TMEM44: variants seen among roughly 807,000 people sequenced by gnomAD.
The protein encoded by TMEM44 is transmembrane protein 44.
In TMEM44, 43 loss-of-function variants were observed where a neutral mutation model predicts 47.8. That is an observed-to-expected ratio of 0.90 (90% CI 0.70 to 1.16). The LOEUF (loss-of-function observed/expected upper bound fraction) is 1.16. TMEM44 is among the 50% of genes most tolerant of loss of function. The pLI, the probability that TMEM44 is intolerant of heterozygous loss-of-function variation, is 0.00. For missense variants in TMEM44, 568 were observed against 555.2 expected (o/e 1.02, Z -0.23); for synonymous variants, 277 against 238.8 (o/e 1.16, Z -1.48).
intron 9 of TMEM44, among the ~76,000 whole-genome samples, chr3:194,595,804 T>A (rs2109153432): frequency 6.6e-6 from 1 of 152,100 alleles, no homozygotes; most frequent in African/African-American, 2.4e-5. Context: ...TTTTTGTATT[T>A]TTAGTAGAGA....
intron 2 of TMEM44, among the ~76,000 whole-genome samples, chr3:194,627,992 GC>G (rs1717354213): frequency 6.6e-6 from 1 of 150,902 alleles, no homozygotes; most frequent in Admixed American, 6.6e-5. Flanking sequence ...AAACAAACAA[GC>G]AAAAAAAAAA....
chr3:194,612,668 C>G (rs1715443010), intron 7 of TMEM44, among the ~76,000 whole-genome samples: 1 of 151,730 alleles, frequency 6.6e-6, no homozygotes, highest in South Asian at 2.1e-4. Flanking sequence ...ATTTTATATT[C>G]AAGTCCTTTT....
At position 194,593,027 on chromosome 3, in the gene TMEM44, A is replaced by G. The variant is rs752719947; in HGVS notation, c.1177-4388T>C. The G allele has an allele frequency of 3.1e-6, 5 of 1,613,718 alleles. No individual in the cohort carries two copies. The East Asian group carries it at 8.9e-5, about 29-fold the overall frequency. On this transcript the variant is annotated intron_variant, in intron 9 of 9. Coordinates refer to ENST00000347147, the MANE Select transcript of TMEM44 (RefSeq NM_001011655.3). ...AAGTCCCTCCTGGAAGAGAAAGAGC[A>G]TGATCGTCCATACCTGCTCCGAGTT...
chr3:194,589,759 T>C (rs1712381418), intron 9 of TMEM44: 1 of 152,140 alleles, frequency 6.6e-6, no homozygotes, highest in Admixed American at 6.5e-5. Flanking sequence ...AGGGGATCCT[T>C]GGTGTTACCT....
At chr3:194,600,475 A>G (rs535583527) in intron 9 of TMEM44, among the ~76,000 whole-genome samples, 38 of 146,390 alleles carry the variant, frequency 2.6e-4, no homozygotes, top group South Asian at 2.5e-4. Context: ...TAGGCTGGGC[A>G]AGGTGGCTCA....
Position 194,588,723 on chromosome 3 carries a change from T to G in TMEM44, c.1177-84A>C, listed in dbSNP as rs149727827. On this transcript the variant is annotated intron_variant, in intron 9 of 9. Coordinates refer to ENST00000347147, the MANE Select transcript of TMEM44 (RefSeq NM_001011655.3). ...CATAACCCCTGACCCAAACAAAAGCTCCAATCTTGGTTCTCATGATCCAGG... is the reference window on the plus strand; with the variant it reads ...CATAACCCCTGACCCAAACAAAAGCGCCAATCTTGGTTCTCATGATCCAGG... 6.8e-5 allele frequency: 91 copies of G among 1,338,688 alleles called. 1 individual carries two copies. In the African/African-American group the frequency reaches 1.0e-3, roughly 15 times the overall value. 82.9% of individuals were successfully genotyped at this position (1,338,688 alleles called of 1,614,324 possible).
intron 8 of TMEM44, among the ~76,000 whole-genome samples, chr3:194,605,856 T>C (rs999052815): frequency 2.7e-4 from 41 of 152,166 alleles, no homozygotes; most frequent in African/African-American, 8.9e-4. Context: ...ATGAGGAGAA[T>C]GGCTATGAGT....
Position 194,623,211 on chromosome 3 carries a change from C to G in TMEM44, c.612+13G>C. Reference sequence around the variant, plus strand: ...CATGTGACCCACAGTCCCATCCCCACCCCCGGCCTCACAATTCTGGAGAGA... The same window carrying G: ...CATGTGACCCACAGTCCCATCCCCAGCCCCGGCCTCACAATTCTGGAGAGA... On this transcript the variant is annotated intron_variant, in intron 5 of 9. Transcript: ENST00000347147. The G allele has an allele frequency of 4.4e-6, 7 of 1,598,182 alleles. No homozygotes were observed. The highest frequency in any genetic ancestry group is 6.0e-6 in the Non-Finnish European group (7 of 1,171,876).
At chr3:194,613,801 A>C (rs113566162) in intron 7 of TMEM44, among the ~76,000 whole-genome samples, 41 of 151,686 alleles carry the variant, frequency 2.7e-4, no homozygotes, top group African/African-American at 9.7e-4. Flanking sequence ...CTCCTAAACA[A>C]CACTTAAAGA....
At chr3:194,622,853 A>G (rs1716711109) in intron 5 of TMEM44, 1 of 186,806 alleles carries the variant, frequency 5.4e-6, no homozygotes, top group Non-Finnish European at 1.1e-5. Flanking sequence ...CCGGCCTAAG[A>G]CACTCTTGAT....
intron 5 of TMEM44, among the ~76,000 whole-genome samples, chr3:194,619,928 G>A (rs1042591426): frequency 5.3e-5 from 8 of 152,116 alleles, no homozygotes; most frequent in African/African-American, 1.9e-4. Flanking sequence ...CCTAAGGCAG[G>A]GGTAATGCTG....
At chr3:194,606,167 C>CGAGGAT (rs1255464384) in intron 8 of TMEM44, among the ~76,000 whole-genome samples, 1 of 152,144 alleles carries the variant, frequency 6.6e-6, no homozygotes, top group Non-Finnish European at 1.5e-5. Context: ...CACTCCAAGC[C>CGAGGAT]GAGGATGCAG....
intron 2 of TMEM44, 49 bp from the exon 3 acceptor site, chr3:194,626,039 G>T: frequency 7.0e-7 from 1 of 1,435,728 alleles, no homozygotes; most frequent in Non-Finnish European, 9.8e-7. Context: ...TCTTTCCTCA[G>T]CCCCTACAGA....
chr3:194,616,854 C>T (rs1458855678), intron 6 of TMEM44: 9 of 540,628 alleles, frequency 1.7e-5, no homozygotes, highest in East Asian at 3.4e-5. Flanking sequence ...AAGATCACGC[C>T]ACTGCACTCC....
At chr3:194,625,641 C>A (rs535930223) in intron 3 of TMEM44, among the ~76,000 whole-genome samples, 2 of 152,204 alleles carry the variant, frequency 1.3e-5, no homozygotes, top group African/African-American at 4.8e-5. Context: ...CCACCACACC[C>A]GGCTAGTTTT....
Position 194,633,110 on chromosome 3 carries a change from C to A in TMEM44, c.106G>T (p.Ala36Ser). 1 of 1,550,426 alleles carries A rather than the reference C, an allele frequency of 6.4e-7. No individual in the cohort carries two copies. The highest frequency in any genetic ancestry group is 1.4e-5 in the African/African-American group (1 of 73,100). The part of the protein sequence containing the change: ...VCISFGLWIC[A>S]SSCWIAAHAL... ...TGGGCGGCGATCCAGCAGGAGGAGG[C>A]GCAGATCCACAGGCCGAAGGAGATG... Residue 36 changes from alanine (A) to serine (S), a missense_variant, in exon 1 of 10, where the codon GCC (alanine) becomes TCC (serine). Physicochemically the swap from Ala to Ser is moderately conservative, Grantham distance 99. Coordinates refer to ENST00000347147, the MANE Select transcript of TMEM44 (RefSeq NM_001011655.3).
intron 1 of TMEM44, among the ~76,000 whole-genome samples, chr3:194,631,231 G>T (rs572706099): frequency 1.3e-5 from 2 of 152,180 alleles, no homozygotes; most frequent in South Asian, 4.2e-4. Context: ...TTCCGAAGGG[G>T]CTGGCTGTTT....
chr3:194,587,947 T>G lies in TMEM44; in HGVS notation c.*582A>C, dbSNP rs1712053733. ...TACCCGGAGCAGTTTGCTTTGTTTT[T>G]GCAGTGTCAGTGATCTCACAAGCAC... On this transcript the variant is annotated 3_prime_UTR_variant, in exon 10 of 10. Coordinates refer to ENST00000347147, the MANE Select transcript of TMEM44 (RefSeq NM_001011655.3). 6.6e-6 allele frequency: 1 copy of G among 152,578 alleles called. No homozygotes were observed. The highest frequency in any genetic ancestry group is 1.5e-5 in the Non-Finnish European group (1 of 68,332). The allele number at this position is 152,578 out of a possible 1,614,324, so 9.5% of individuals were successfully genotyped here.
At chr3:194,629,608 C>T (rs1020784018) in intron 1 of TMEM44, among the ~76,000 whole-genome samples, 17 of 151,806 alleles carry the variant, frequency 1.1e-4, no homozygotes, top group African/African-American at 2.9e-4. Context: ...CTGTTTCTAT[C>T]GGCGTCCCTG....
Sources: gnomAD v4.1 joint callset for allele counts (sites outside exome capture counted in the v4.1 genomes callset) on GRCh38, gnomAD v4.1.1 for gene constraint, MANE v1.5 for transcripts, NCBI Gene and HGNC (gene_info 2026-07-23, HGNC 2026-07-21) for gene names.